The following MAST3 variants were observed in gnomAD, a reference collection of about 807,000 sequenced individuals.
MAST3 encodes microtubule-associated serine/threonine-protein kinase 3.
A neutral mutation model predicts 127.0 loss-of-function variants in MAST3; 43 were observed. The observed-to-expected ratio is 0.34, with a 90% confidence interval of 0.27 to 0.44. The LOEUF (loss-of-function observed/expected upper bound fraction) is 0.44. Ranked by LOEUF, MAST3 falls within the 20% of genes least tolerant of loss-of-function variation. The pLI, the probability that MAST3 is intolerant of heterozygous loss-of-function variation, is 1.00. For missense variants in MAST3, 1,390 were observed against 1,919.1 expected (o/e 0.72, Z 5.15); for synonymous variants, 785 against 809.2 (o/e 0.97, Z 0.51).
intron 17 of MAST3, 105 bp downstream of exon 17, chr19:18,135,087 A>T: frequency 7.3e-7 from 1 of 1,371,676 alleles, no homozygotes; most frequent in Non-Finnish European, 1.0e-6. Context: ...GAGGGGAGGG[A>T]GTTGGATGCC....
At chr19:18,138,320 G>GT (rs66532271) in intron 19 of MAST3, among the ~76,000 whole-genome samples, 13 of 142,284 alleles carry the variant, frequency 9.1e-5, no homozygotes, top group Admixed American at 3.5e-4. Context: ...CCCACAACCT[G>GT]TTTTTTTTTT....
intron 25 of MAST3, among the ~76,000 whole-genome samples, chr19:18,146,509 A>C (rs144130109): frequency 1.3e-5 from 2 of 152,106 alleles, no homozygotes; most frequent in Non-Finnish European, 2.9e-5. Flanking sequence ...GAATAGCTGG[A>C]CACTGGGTAG....
At chr19:18,147,659 C>T (rs752509855) in intron 27 of MAST3, 35 bp downstream of exon 27, 2 of 1,439,910 alleles carry the variant, frequency 1.4e-6, no homozygotes, top group South Asian at 1.4e-5. Flanking sequence ...ACCCCGGCTA[C>T]CCTGGGAGCA....
chr19:18,115,545 G>A (rs897960034), intron 3 of MAST3, among the ~76,000 whole-genome samples: 13 of 151,928 alleles, frequency 8.6e-5, no homozygotes, highest in Admixed American at 7.2e-4. Flanking sequence ...ATGAGGCTTG[G>A]GCTGCATACC....
At chr19:18,142,401 G>A (rs1396858304) in intron 21 of MAST3, among the ~76,000 whole-genome samples, 1 of 148,500 alleles carries the variant, frequency 6.7e-6, no homozygotes, top group Non-Finnish European at 1.5e-5. Flanking sequence ...GCACAGGCTG[G>A]AGTGCAGTGG....
Position 18,130,668 on chromosome 19 carries a change from G to T in MAST3, c.1398G>T (p.Arg466=), listed in dbSNP as rs759919875. Residue 466 remains arginine (R), a synonymous_variant, in exon 14 of 28, where the codon CGG becomes CGT. Coordinates refer to ENST00000687212, the MANE Select transcript of MAST3 (RefSeq NM_001393504.1). Reference sequence around the variant, plus strand: ...GCATGTTCTGCTCCTTTGAGACCCGGCGCCACCTATGTATGGTCATGGAAT... The same window carrying T: ...GCATGTTCTGCTCCTTTGAGACCCGTCGCCACCTATGTATGGTCATGGAAT... ...VVSMFCSFET[R]RHLCMVMEYV... The T allele has an allele frequency of 1.9e-6, 3 of 1,613,958 alleles. No individual in the cohort carries two copies. The highest frequency in any genetic ancestry group is 2.5e-6 in the Non-Finnish European group (3 of 1,179,988).
chr19:18,099,203 A>G (rs2037321624), intron 1 of MAST3, among the ~76,000 whole-genome samples: 1 of 151,154 alleles, frequency 6.6e-6, no homozygotes, highest in African/African-American at 2.4e-5. Context: ...ATGGGAAGCC[A>G]GGTCGGGAGT....
chr19:18,134,821 G>A lies in MAST3; in HGVS notation c.1709G>A (p.Cys570Tyr). The A allele has an allele frequency of 3.1e-6, 5 of 1,614,046 alleles. No individual in the cohort carries two copies. Among genetic ancestry groups the A allele is most frequent in the Non-Finnish European group, 4.2e-6 (5 of 1,179,896 alleles). Residue 570 changes from cysteine (C) to tyrosine (Y), a missense_variant, in exon 17 of 28, where the codon TGT becomes TAT. Physicochemically the swap from Cys to Tyr is radical, Grantham distance 194. Around this residue, in one of 5 missense-constraint regions of MAST3, gnomAD observed 191 missense variants for 409.0 expected, o/e 0.47. Transcript: ENST00000687212. ...DAREFIDKQVCGTPEYIAPEV... is the reference protein window; with the variant it reads ...DAREFIDKQVYGTPEYIAPEV... The stretch of plus-strand genomic sequence containing the variant: ...TCCCCGTTCTCCCTGGCCCAGGTGT[G>A]TGGGACGCCGGAGTACATAGCCCCC...
Position 18,150,493 on chromosome 19 carries a change from C to T in MAST3, c.*767C>T, listed in dbSNP as rs2043458212. ...TGTGTTACCTGGTCTCATTCCCCTC[C>T]CCACACCTACCCATTTGAGGGGATG... On this transcript the variant is annotated 3_prime_UTR_variant, in exon 28 of 28. Coordinates refer to ENST00000687212, the MANE Select transcript of MAST3 (RefSeq NM_001393504.1). 1 of 152,266 alleles carries T rather than the reference C, an allele frequency of 6.6e-6. No individual in the cohort carries two copies. The highest frequency in any genetic ancestry group is 2.4e-5 in the African/African-American group (1 of 41,440). The allele number at this position is 152,266 out of a possible 1,614,324, so 9.4% of individuals were successfully genotyped here.
intron 18 of MAST3, 135 bp downstream of exon 18, chr19:18,135,976 T>G: frequency 1.6e-6 from 1 of 627,866 alleles, no homozygotes; most frequent in East Asian, 2.9e-5. Flanking sequence ...GCAGCTAGGG[T>G]TTTGAAGGAT....
At chr19:18,137,988 T>A (rs1028664084) in intron 19 of MAST3, among the ~76,000 whole-genome samples, 1 of 152,140 alleles carries the variant, frequency 6.6e-6, no homozygotes, top group African/African-American at 2.4e-5. Context: ...GCAGATCACC[T>A]GAGGTCAGGA....
intron 1 of MAST3, among the ~76,000 whole-genome samples, chr19:18,101,970 T>TC (rs1433792363): frequency 8.1e-6 from 1 of 123,686 alleles, no homozygotes; most frequent in Non-Finnish European, 1.6e-5. Flanking sequence ...TCATTCCACC[T>TC]CCCAGGTTCA....
chr19:18,116,149 A>G (rs1423524741), intron 3 of MAST3, among the ~76,000 whole-genome samples: 3 of 119,200 alleles, frequency 2.5e-5, no homozygotes, highest in African/African-American at 1.0e-4. Flanking sequence ...GCTGGAGTGC[A>G]TTGGTGTGAT....
chr19:18,131,771 C>T (rs2041319683), intron 14 of MAST3, 138 bp from the exon 15 acceptor site: 1 of 899,686 alleles, frequency 1.1e-6, no homozygotes, highest in South Asian at 1.5e-5. Context: ...CCCGACCCTC[C>T]CCGCTGAGAT....
intron 10 of MAST3, 58 bp downstream of exon 10, chr19:18,124,424 C>A: frequency 6.7e-7 from 1 of 1,482,550 alleles, no homozygotes; most frequent in Non-Finnish European, 9.2e-7. Context: ...ATTGGGACCA[C>A]AACAGTCCTG....
rs572228020 is a variant in MAST3, at chr19:18,098,915, A to T, written c.39+1084A>T. The T allele has an allele frequency of 1.8e-5, 7 of 380,296 alleles. No individual in the cohort carries two copies. In the East Asian group the frequency reaches 4.5e-4, roughly 24 times the overall value. 23.6% of individuals were successfully genotyped at this position (380,296 alleles called of 1,614,324 possible). A position where few individuals can be genotyped will look rare whatever the true frequency, so the allele number is the denominator to read the frequency against. On this transcript the variant is annotated intron_variant, in intron 1 of 27. Transcript: ENST00000687212. ...ACGGAGTGATCAGTTGTGATAAGGGACTCACAGCAAGTGAAGGAGGCGCCT... is the reference window on the plus strand; with the variant it reads ...ACGGAGTGATCAGTTGTGATAAGGGTCTCACAGCAAGTGAAGGAGGCGCCT...
rs2043075619 is a variant in MAST3, at chr19:18,146,923, A to G, written c.3205A>G (p.Thr1069Ala). 1 of 1,557,292 alleles carries G rather than the reference A, an allele frequency of 6.4e-7. No individual in the cohort carries two copies. Residue 1069 changes from threonine (T) to alanine (A), a missense_variant, in exon 26 of 28, where the codon ACC becomes GCC. Thr to Ala is a moderately conservative substitution (Grantham distance 58, BLOSUM62 0). Transcript: ENST00000687212. ...CCTGCGGACCACAGCCCTGGAGAACACCTCCATCAAGGTGGGCCCCGCCCG... is the reference window on the plus strand; with the variant it reads ...CCTGCGGACCACAGCCCTGGAGAACGCCTCCATCAAGGTGGGCCCCGCCCG... Reference protein sequence around the residue: ...ISLRTTALENTSIKVGPARKN... With the variant: ...ISLRTTALENASIKVGPARKN...
intron 14 of MAST3, 137 bp downstream of exon 14, chr19:18,130,839 C>T (rs149451504): frequency 1.1e-6 from 1 of 893,644 alleles, no homozygotes; most frequent in Non-Finnish European, 1.7e-6. Context: ...CCCTCAGGAA[C>T]CCCAGTCTGG....
At position 18,146,790 on chromosome 19, in the gene MAST3, G is replaced by C. The variant is rs1358935616; in HGVS notation, c.3163-91G>C. 3 of 1,302,030 alleles carry C rather than the reference G, an allele frequency of 2.3e-6. No individual in the cohort carries two copies. In the East Asian group the frequency reaches 7.7e-5, roughly 34 times the overall value. The allele number at this position is 1,302,030 out of a possible 1,614,324, so 80.7% of individuals were successfully genotyped here. ...ATGCTGGGGTGGTGGGTCCCAGCTGGTGCCCGGAGTGAAGGGGACATAGCA... is the reference window on the plus strand; with the variant it reads ...ATGCTGGGGTGGTGGGTCCCAGCTGCTGCCCGGAGTGAAGGGGACATAGCA... On this transcript the variant is annotated intron_variant, in intron 25 of 27. Transcript: ENST00000687212.
Sources: allele counts gnomAD v4.1 joint callset (sites outside exome capture counted in the v4.1 genomes callset), GRCh38; gene constraint gnomAD v4.1.1; regional missense constraint gnomAD v4.1.1; transcripts MANE v1.5; gene names NCBI Gene and HGNC (gene_info 2026-07-23, HGNC 2026-07-21).